DMRTC2: variants seen among roughly 807,000 people sequenced by gnomAD.
The protein encoded by DMRTC2 is doublesex- and mab-3-related transcription factor C2.
A neutral mutation model predicts 39.9 loss-of-function variants in DMRTC2; 13 were observed. The observed-to-expected ratio is 0.33, with a 90% CI of 0.21 to 0.52. The LOEUF is 0.52. Ranked by LOEUF, DMRTC2 falls within the 20% of genes least tolerant of loss-of-function variation. The pLI, the probability that DMRTC2 is intolerant of heterozygous loss-of-function variation, is 0.96. For missense variants in DMRTC2, 431 were observed against 472.8 expected (o/e 0.91, Z 0.82); for synonymous variants, 189 against 185.2 (o/e 1.02, Z -0.17).
At chr19:41,851,227 G>A in intron 8 of DMRTC2, 1 of 244,448 alleles carries the variant, frequency 4.1e-6, no homozygotes, top group Non-Finnish European at 7.9e-6. Context: ...TGGGCAGACT[G>A]GCCTGGAGGA....
Position 41,849,199 on chromosome 19 carries a change from C to T in DMRTC2, c.698C>T (p.Pro233Leu). 6.2e-7 allele frequency: 1 copy of T among 1,614,204 alleles called. No homozygotes were observed. Among genetic ancestry groups the T allele is most frequent in the Non-Finnish European group, 8.5e-7 (1 of 1,180,028 alleles). Residue 233 changes from proline to leucine, a missense_variant, in exon 6 of 9, where the codon CCA becomes CTA. Transcript: ENST00000269945. Reference protein sequence around the residue: ...GPFTTCPGSHPVLTAPLSGEP... With the variant: ...GPFTTCPGSHLVLTAPLSGEP... The stretch of plus-strand genomic sequence containing the variant: ...TTCACCACCTGCCCAGGATCTCACC[C>T]AGTACTGACAGCTCCTCTTTCTGGA...
At chr19:41,845,588 C>T (rs572929576) in intron 1 of DMRTC2, among the ~76,000 whole-genome samples, 4 of 152,034 alleles carry the variant, frequency 2.6e-5, no homozygotes, top group African/African-American at 9.7e-5. Context: ...TTTGGGAGGC[C>T]GAAGCAGGCA....
intron 6 of DMRTC2, 29 bp from the exon 7 acceptor site, chr19:41,850,283 A>G (rs1555836996): frequency 1.4e-6 from 2 of 1,475,998 alleles, no homozygotes; most frequent in South Asian, 2.9e-5. Flanking sequence ...CTGTTTAACC[A>G]CCCTGGCATC....
rs1555836612 is a variant in DMRTC2 at position 41,848,802 on chromosome 19, G to A, written c.455G>A (p.Cys152Tyr). Residue 152 changes from cysteine (C) to tyrosine (Y), a missense_variant, in exon 5 of 9, where the codon TGT becomes TAT. Physicochemically the swap from Cys to Tyr is radical, Grantham distance 194 (BLOSUM62 -2). Coordinates refer to ENST00000269945, the MANE Select transcript of DMRTC2 (RefSeq NM_001040283.3). ...LAPTPPGKNS[C>Y]GPLLLSHPPE... ...TGCCCTCTGCCCCTGCAGAACTCCT[G>A]TGGGCCTCTGCTGCTCAGCCATCCC... 6.2e-7 allele frequency: 1 copy of A among 1,608,288 alleles called. No homozygotes were observed. Among genetic ancestry groups the A allele is most frequent in the Non-Finnish European group, 8.5e-7 (1 of 1,179,988 alleles).
intron 6 of DMRTC2, 130 bp downstream of exon 6, chr19:41,849,386 C>T: frequency 7.8e-7 from 1 of 1,289,214 alleles, no homozygotes; most frequent in Non-Finnish European, 1.1e-6. Context: ...GCAGAGCTCT[C>T]CTAGTACTGC....
intron 8 of DMRTC2, 100 bp from the exon 9 acceptor site, chr19:41,851,484 A>C: frequency 1.1e-6 from 1 of 950,838 alleles, no homozygotes; most frequent in Non-Finnish European, 1.6e-6. Context: ...ATAATCCAGG[A>C]GAACAATGAT....
chr19:41,850,126 C>G, intron 6 of DMRTC2, 186 bp from the exon 7 acceptor site: 1 of 488,136 alleles, frequency 2.0e-6, no homozygotes, highest in Non-Finnish European at 3.6e-6. Flanking sequence ...TCACAGTAGC[C>G]CTGGGAGGAA....
rs1555836513 is a variant in DMRTC2 at position 41,848,484 on chromosome 19, AC to A, written c.409del (p.His137MetfsTer99). 2 of 1,601,144 alleles carry A rather than the reference AC, an allele frequency of 1.2e-6. No homozygotes were observed. The highest frequency in any genetic ancestry group is 1.1e-5 in the South Asian group (1 of 88,724). On this transcript the variant is annotated frameshift_variant, in exon 4 of 9. Coordinates refer to ENST00000269945, the MANE Select transcript of DMRTC2 (RefSeq NM_001040283.3). LOFTEE classifies it high-confidence loss of function. ...GKENIAPQPQ[T>X]PHGAVLLAPT... ...GGAGAACATAGCACCCCAGCCTCAG[AC>A]CCCCCATGGGGCAGTCCTGCTGGCA...
chr19:41,846,670 C>T (rs932973124), intron 1 of DMRTC2, among the ~76,000 whole-genome samples: 1 of 152,068 alleles, frequency 6.6e-6, no homozygotes, highest in South Asian at 2.1e-4. Context: ...CGGGTTCACG[C>T]CATTCTCCTG....
chr19:41,848,237 T>C (rs2073896215), intron 3 of DMRTC2, among the ~76,000 whole-genome samples: 2 of 151,904 alleles, frequency 1.3e-5, no homozygotes, highest in Admixed American at 6.6e-5. Flanking sequence ...TCCCAGCTAC[T>C]CGGGAAGCTG....
chr19:41,849,384 C>G, intron 6 of DMRTC2, 128 bp downstream of exon 6: 1 of 1,318,364 alleles, frequency 7.6e-7, no homozygotes, highest in East Asian at 2.3e-5. Flanking sequence ...AGGCAGAGCT[C>G]TCCTAGTACT....
Position 41,848,520 on chromosome 19 carries a change from C to A in DMRTC2, c.439C>A (p.Pro147Thr). 3 of 1,593,686 alleles carry A rather than the reference C, an allele frequency of 1.9e-6. No individual in the cohort carries two copies. The highest frequency in any genetic ancestry group is 2.6e-6 in the Non-Finnish European group (3 of 1,170,280). Reference sequence around the variant, plus strand: ...GGCAGTCCTGCTGGCACCGACACCCCCCGGGAAGGTAAGGAGAGGCTGGGG... The same window carrying A: ...GGCAGTCCTGCTGGCACCGACACCCACCGGGAAGGTAAGGAGAGGCTGGGG... ...HGAVLLAPTP[P>T]GKNSCGPLLL... The change falls in exon 4 of 9, where the codon CCC becomes ACC. Residue 147 changes from proline (P) to threonine (T), a missense_variant. Transcript: ENST00000269945.
At chr19:41,846,945 A>T (rs142126826) in intron 1 of DMRTC2, among the ~76,000 whole-genome samples, 1 of 151,752 alleles carries the variant, frequency 6.6e-6, no homozygotes, top group African/African-American at 2.4e-5. Context: ...GGAGGCCGAG[A>T]CAGGCAGATC....
rs782711278 is a variant in DMRTC2, at chr19:41,847,771, T to C, written c.260T>C (p.Leu87Ser). 3 of 1,613,720 alleles carry C rather than the reference T, an allele frequency of 1.9e-6. No homozygotes were observed. The highest frequency in any genetic ancestry group is 2.5e-6 in the Non-Finnish European group (3 of 1,179,844). Residue 87 changes from leucine (L) to serine (S), a missense_variant, in exon 3 of 9, where the codon TTG (leucine) becomes TCG (serine). By Grantham distance (145) the Leu-to-Ser change is moderately radical (BLOSUM62 -2). Transcript: ENST00000269945. ...RRRVMAAQVA[L>S]RRQQEAQLKK... ...AGGGTCATGGCTGCCCAGGTGGCCT[T>C]GCGTAGGCAGCAGGAGGCGCAGCTA...
intron 8 of DMRTC2, chr19:41,851,208 A>G (rs1357134255): frequency 1.4e-5 from 3 of 218,210 alleles, no homozygotes; most frequent in South Asian, 1.3e-4. Context: ...TCTTGTCCAA[A>G]TAGTGGATTG....
intron 8 of DMRTC2, 86 bp downstream of exon 8, chr19:41,850,786 G>T: frequency 7.2e-7 from 1 of 1,397,666 alleles, no homozygotes; most frequent in Non-Finnish European, 9.4e-7. Context: ...GGAGATGAGG[G>T]GGTCGACAGG....
At chr19:41,847,020 AC>A (rs1300779024) in intron 1 of DMRTC2, among the ~76,000 whole-genome samples, 9 of 151,690 alleles carry the variant, frequency 5.9e-5, no homozygotes, top group African/African-American at 2.2e-4. Flanking sequence ...TACTAAACAT[AC>A]AAAAATAAAA....
At chr19:41,847,951 A>C in intron 3 of DMRTC2, 70 bp downstream of exon 3, 1 of 1,509,212 alleles carries the variant, frequency 6.6e-7, no homozygotes, top group Non-Finnish European at 8.9e-7. Context: ...AAAGAGGCCC[A>C]GTCCTGCTGC....
rs2073961894 is a variant in DMRTC2, at chr19:41,851,849, CT to C, written c.*156del. On this transcript the variant is annotated 3_prime_UTR_variant, in exon 9 of 9. Coordinates refer to ENST00000269945, the MANE Select transcript of DMRTC2 (RefSeq NM_001040283.3). ...TTGTTTGTTTGTTTGTTTGTTTAAG[CT>C]TTCAGGTGCTTCATTAGCTTTCAGT... The C allele has an allele frequency of 1.5e-6, 1 of 661,022 alleles. No homozygotes were observed. Among genetic ancestry groups the C allele is most frequent in the African/African-American group, 1.8e-5 (1 of 54,848 alleles). The allele number at this position is 661,022 out of a possible 1,614,324, so 40.9% of individuals were successfully genotyped here. A position where few individuals can be genotyped will look rare whatever the true frequency, so the allele number is the denominator to read the frequency against.
Sources: allele counts gnomAD v4.1 joint callset (sites outside exome capture counted in the v4.1 genomes callset), GRCh38; gene constraint gnomAD v4.1.1; transcripts MANE v1.5; gene names NCBI Gene and HGNC (gene_info 2026-07-23, HGNC 2026-07-21).